NSMCE2: variants seen among roughly 807,000 people sequenced by gnomAD.
NSMCE2 encodes E3 SUMO-protein ligase NSE2.
Under a neutral mutation model 23.8 loss-of-function variants are expected in NSMCE2, and 24 were observed. That is an observed-to-expected ratio of 1.01 (90% CI 0.73 to 1.42). The LOEUF is 1.42. Ranked by LOEUF, NSMCE2 falls within the 40% of genes most tolerant of loss-of-function variation. The pLI is 0.00. For missense variants in NSMCE2, 284 were observed against 296.5 expected, an observed-to-expected ratio of 0.96 and a Z score of 0.31; for synonymous variants, 92 against 94.1, an observed-to-expected ratio of 0.98 and a Z score of 0.13.
chr8:125,198,918 G>A (rs1178802265), intron 5 of NSMCE2, among the ~76,000 whole-genome samples: 1 of 152,112 alleles, frequency 6.6e-6, no homozygotes, highest in Non-Finnish European at 1.5e-5. Context: ...AGTCTTGGGA[G>A]GGCATATGTG....
intron 5 of NSMCE2, among the ~76,000 whole-genome samples, chr8:125,292,665 T>C (rs1828155399): frequency 6.6e-6 from 1 of 152,224 alleles, no homozygotes; most frequent in Non-Finnish European, 1.5e-5. Flanking sequence ...AGATAAGTTA[T>C]CTCTCCAAAA....
At chr8:125,210,311 G>C (rs1824275816) in intron 5 of NSMCE2, among the ~76,000 whole-genome samples, 2 of 152,190 alleles carry the variant, frequency 1.3e-5, no homozygotes, top group African/African-American at 4.8e-5. Context: ...ATGTAGAATA[G>C]ATAATTGCTT....
chr8:125,133,763 CAAA>C (rs1028400575), intron 3 of NSMCE2, among the ~76,000 whole-genome samples: 3 of 149,610 alleles, frequency 2.0e-5, no homozygotes, highest in Admixed American at 6.7e-5. Flanking sequence ...GACTCCATCT[CAAA>C]AAACAAAAAC....
At chr8:125,351,051 G>T (rs73704939) in intron 5 of NSMCE2, among the ~76,000 whole-genome samples, 2,763 of 152,226 alleles carry the variant, frequency 0.018, 82 homozygotes, top group African/African-American at 0.063. Flanking sequence ...CCTACTAGTG[G>T]ATTGGATGTG....
At chr8:125,138,901 G>A (rs1820209166) in intron 3 of NSMCE2, among the ~76,000 whole-genome samples, 1 of 152,134 alleles carries the variant, frequency 6.6e-6, no homozygotes, top group African/African-American at 2.4e-5. Context: ...TGATATTGAG[G>A]TGGAAGTAGT....
rs774755138 is a variant in NSMCE2, at chr8:125,366,736, G to T, written c.627-32G>T. Reference sequence around the variant, plus strand: ...GAAGTTTCTGCTTAAGGCAGTAAAGGGGACTGACTTGATGTTCTTTCTTTC... The same window carrying T: ...GAAGTTTCTGCTTAAGGCAGTAAAGTGGACTGACTTGATGTTCTTTCTTTC... On this transcript the variant is annotated intron_variant, in intron 7 of 7. Coordinates refer to ENST00000287437, the MANE Select transcript of NSMCE2 (RefSeq NM_173685.4). The T allele has an allele frequency of 1.4e-5, 17 of 1,255,392 alleles. No homozygotes were observed. The South Asian group carries it at 2.0e-4, about 15-fold the overall frequency. 77.8% of individuals were successfully genotyped at this position (1,255,392 alleles called of 1,614,324 possible).
chr8:125,357,355 G>T lies in NSMCE2; in HGVS notation c.519+36G>T, dbSNP rs79536300. On this transcript the variant is annotated intron_variant, in intron 6 of 7. Transcript: ENST00000287437. ...CTCCTACTTCCCCTGAAAGAAACAC[G>T]ATTCACTTCACAGAGGCAGAAAGGT... 3.3e-4 allele frequency: 445 copies of T among 1,330,848 alleles called. 1 individual carries two copies. In the African/African-American group the frequency reaches 5.3e-3, roughly 16 times the overall value. 82.4% of individuals were successfully genotyped at this position (1,330,848 alleles called of 1,614,324 possible). A position where few individuals can be genotyped will look rare whatever the true frequency, so the allele number is the denominator to read the frequency against.
At chr8:125,188,983 G>A (rs1341616230) in intron 5 of NSMCE2, among the ~76,000 whole-genome samples, 2 of 152,206 alleles carry the variant, frequency 1.3e-5, no homozygotes, top group African/African-American at 4.8e-5. Flanking sequence ...AGTGCCAATA[G>A]GGAAAATATT....
At chr8:125,170,598 G>T (rs1563694834) in intron 4 of NSMCE2, among the ~76,000 whole-genome samples, 1 of 151,486 alleles carries the variant, frequency 6.6e-6, no homozygotes, top group Non-Finnish European at 1.5e-5. Flanking sequence ...AGAAGTGATG[G>T]GGTTTCACCA....
intron 5 of NSMCE2, among the ~76,000 whole-genome samples, chr8:125,281,216 A>T (rs1827680502): frequency 6.6e-6 from 1 of 152,240 alleles, no homozygotes; most frequent in Admixed American, 6.5e-5. Context: ...AGCATGGGTT[A>T]TTCATCTTGA....
chr8:125,355,483 T>C (rs1464440906), intron 5 of NSMCE2, among the ~76,000 whole-genome samples: 1 of 152,146 alleles, frequency 6.6e-6, no homozygotes, highest in East Asian at 1.9e-4. Context: ...GCAGATCACC[T>C]GAGGTCAGGA....
chr8:125,364,758 AT>A (rs1307383087), intron 7 of NSMCE2, among the ~76,000 whole-genome samples: 8 of 152,198 alleles, frequency 5.3e-5, no homozygotes, highest in African/African-American at 1.9e-4. Flanking sequence ...AGCACAGAGG[AT>A]CTGGGAGGGA....
chr8:125,179,805 A>G (rs1237361970), intron 4 of NSMCE2, among the ~76,000 whole-genome samples: 1 of 152,144 alleles, frequency 6.6e-6, no homozygotes, highest in East Asian at 1.9e-4. Flanking sequence ...CTCAGTCTTC[A>G]CCTCCTCAGC....
At chr8:125,259,383 A>G in intron 5 of NSMCE2, among the ~76,000 whole-genome samples, 1 of 152,348 alleles carries the variant, frequency 6.6e-6, no homozygotes, top group African/African-American at 2.4e-5. Flanking sequence ...ACTTTCTGTC[A>G]GATCAGCGGT....
chr8:125,160,052 C>CA lies in NSMCE2; in HGVS notation c.264+8782dup, dbSNP rs577073997. Among the ~76,000 whole-genome samples, 51 of 151,794 alleles carry CA rather than the reference C, an allele frequency of 3.4e-4. No homozygotes were observed. In the East Asian group the frequency reaches 8.5e-3, roughly 25 times the overall value. On this transcript the variant is annotated intron_variant, in intron 4 of 7. Coordinates refer to ENST00000287437, the MANE Select transcript of NSMCE2 (RefSeq NM_173685.4). ...CTTGACATATGTACACAAATAGCTA[C>CA]AAAAAAATTTTAACGGTGAAATAGT...
chr8:125,242,893 G>A (rs1825812713), intron 5 of NSMCE2, among the ~76,000 whole-genome samples: 1 of 152,184 alleles, frequency 6.6e-6, no homozygotes, highest in Admixed American at 6.5e-5. Flanking sequence ...TGATAGACAA[G>A]GAGAGGAGAG....
chr8:125,340,103 C>T (rs919095040), intron 5 of NSMCE2, among the ~76,000 whole-genome samples: 1 of 150,126 alleles, frequency 6.7e-6, no homozygotes, highest in African/African-American at 2.4e-5. Flanking sequence ...CAAGCTCCGC[C>T]TCCCGGGTTC....
intron 5 of NSMCE2, among the ~76,000 whole-genome samples, chr8:125,201,519 T>C (rs1823873530): frequency 6.6e-6 from 1 of 152,198 alleles, no homozygotes. Context: ...GAATCACAAA[T>C]ATTGCAGAAC....
intron 5 of NSMCE2, among the ~76,000 whole-genome samples, chr8:125,230,064 T>C (rs983346425): frequency 6.6e-6 from 1 of 152,218 alleles, no homozygotes; most frequent in African/African-American, 2.4e-5. Context: ...AAAATAGATC[T>C]TTTGTGTAGC....
Sources: allele counts gnomAD v4.1 joint callset (sites outside exome capture counted in the v4.1 genomes callset), GRCh38; gene constraint gnomAD v4.1.1; transcripts MANE v1.5; gene names NCBI Gene and HGNC (gene_info 2026-07-23, HGNC 2026-07-21).